ZBTB38: variants seen among roughly 807,000 people sequenced by gnomAD.
ZBTB38 encodes zinc finger and BTB domain containing 38, also known as zinc finger and BTB domain-containing protein 38.
ZBTB38 carries 20 observed loss-of-function variants against 76.8 expected under a neutral mutation model. The ratio of observed to expected loss-of-function variants is 0.26; its 90% confidence interval spans 0.18 to 0.38. The LOEUF (loss-of-function observed/expected upper bound fraction) is 0.38. Among genes scored for constraint, ZBTB38 ranks in the 10% least tolerant of loss-of-function variants. The probability of loss-of-function intolerance (pLI) is 1.00; values close to 1 mark genes in which losing one functional copy is unlikely to be tolerated. For synonymous variants in ZBTB38, 504 were observed against 544.2 expected, an observed-to-expected ratio of 0.93 and a Z score of 1.03; for missense variants, 1,082 against 1,482.3, an observed-to-expected ratio of 0.73 and a Z score of 4.43.
intron 1 of ZBTB38, among the ~76,000 whole-genome samples, chr3:141,345,492 G>A (rs1393536768): frequency 1.3e-5 from 2 of 152,102 alleles, no homozygotes; most frequent in East Asian, 3.9e-4. Context: ...TTCTCTCCTA[G>A]ACTTTTCTTT....
In ZBTB38 at chr3:141,432,123, A is replaced by C. The variant is rs936829073; in HGVS notation, c.1-10266A>C. The C allele has an allele frequency of 5.1e-6, 5 of 985,350 alleles. No individual in the cohort carries two copies. The African/African-American group carries it at 7.0e-5, about 14-fold the overall frequency. The allele number at this position is 985,350 out of a possible 1,614,324, so 61.0% of individuals were successfully genotyped here. A position where few individuals can be genotyped will look rare whatever the true frequency, so the allele number is the denominator to read the frequency against. On this transcript the variant is annotated intron_variant, in intron 5 of 5. Coordinates refer to ENST00000321464, the MANE Select transcript of ZBTB38 (RefSeq NM_001376113.1). ...TGGTACAGCCAGCTCACTGAAGCAA[A>C]ATATCCTTTGTCGGAAAACTTTCCG...
chr3:141,352,163 T>A (rs1364523663), intron 1 of ZBTB38, among the ~76,000 whole-genome samples: 3 of 152,042 alleles, frequency 2.0e-5, no homozygotes, highest in Non-Finnish European at 4.4e-5. Context: ...AATAAATAAT[T>A]TTTTTATATA....
intron 3 of ZBTB38, among the ~76,000 whole-genome samples, chr3:141,384,239 T>G (rs1559929178): frequency 6.6e-6 from 1 of 152,242 alleles, no homozygotes; most frequent in Non-Finnish European, 1.5e-5. Flanking sequence ...TGCCCTGGCA[T>G]CTGGCTTACA....
intron 4 of ZBTB38, chr3:141,387,525 A>G (rs1239939300): frequency 6.6e-6 from 1 of 152,186 alleles, no homozygotes; most frequent in African/African-American, 2.4e-5. Context: ...TGTATTTTCA[A>G]TGCTGGTATC....
intron 5 of ZBTB38, among the ~76,000 whole-genome samples, chr3:141,404,423 G>A (rs772208439): frequency 3.5e-4 from 53 of 152,242 alleles, no homozygotes; most frequent in Middle Eastern, 6.8e-3. Context: ...TTGAATCTTC[G>A]TTGCTCAGTC....
At chr3:141,385,280 T>C (rs1038577717) in intron 3 of ZBTB38, among the ~76,000 whole-genome samples, 1 of 151,128 alleles carries the variant, frequency 6.6e-6, no homozygotes, top group Non-Finnish European at 1.5e-5. Flanking sequence ...AAATATTATA[T>C]ATTCAAAATC....
At chr3:141,430,060 G>A (rs1176399915) in intron 5 of ZBTB38, among the ~76,000 whole-genome samples, 3 of 151,990 alleles carry the variant, frequency 2.0e-5, no homozygotes, top group African/African-American at 7.2e-5. Context: ...TTCGTTTTTT[G>A]TTTTGTTTTG....
rs946913811 is a variant in ZBTB38 at position 141,447,715 on chromosome 3, A to G, written c.*1739A>G. 2.6e-5 allele frequency: 4 copies of G among 152,238 alleles called. No homozygotes were observed. The highest frequency in any genetic ancestry group is 9.6e-5 in the African/African-American group (4 of 41,452). The allele number at this position is 152,238 out of a possible 1,614,324, so 9.4% of individuals were successfully genotyped here. A position where few individuals can be genotyped will look rare whatever the true frequency, so the allele number is the denominator to read the frequency against. On this transcript the variant is annotated 3_prime_UTR_variant, in exon 6 of 6. Transcript: ENST00000321464. ...CAAAGGACTCCGGTTTCTGTCTACA[A>G]GTGTGATGTCTCCATGAAGAAGACT... is the stretch of plus-strand genomic sequence containing the variant.
intron 1 of ZBTB38, among the ~76,000 whole-genome samples, chr3:141,342,784 A>C (rs1246386101): frequency 6.7e-6 from 1 of 149,902 alleles, no homozygotes; most frequent in Non-Finnish European, 1.5e-5. Context: ...GGCAGTGGGA[A>C]GAAGCCACTA....
At chr3:141,338,994 C>A (rs1943096469) in intron 1 of ZBTB38, among the ~76,000 whole-genome samples, 1 of 152,002 alleles carries the variant, frequency 6.6e-6, no homozygotes, top group African/African-American at 2.4e-5. Context: ...AATAAAGGGA[C>A]AATGAGTTGC....
At position 141,413,107 on chromosome 3, in the gene ZBTB38, A is replaced by T. The variant is rs574279374; in HGVS notation, c.-1+9076A>T. ...GAGGAATTGTGGGAAATGGGGAAGAAGAAAATGTTTGTGCAGGGAAAGTGT... is the reference window on the plus strand; with the variant it reads ...GAGGAATTGTGGGAAATGGGGAAGATGAAAATGTTTGTGCAGGGAAAGTGT... On this transcript the variant is annotated intron_variant, in intron 5 of 5. Transcript: ENST00000321464. This position sits in a 1 kb window ranked among gnomAD's most constrained non-coding sequence, Gnocchi z 4.1. Among the ~76,000 whole-genome samples the T allele has an allele frequency of 3.2e-4, 48 of 152,344 alleles. No individual in the cohort carries two copies. Among genetic ancestry groups the T allele is most frequent in the African/African-American group, 1.2e-3 (48 of 41,580 alleles).
intron 5 of ZBTB38, among the ~76,000 whole-genome samples, chr3:141,421,278 C>CTTT (rs77094062): frequency 8.8e-5 from 11 of 125,662 alleles, no homozygotes; most frequent in South Asian, 2.6e-4. Flanking sequence ...AAACTTCTCT[C>CTTT]TTTTTTTTTT....
At chr3:141,410,416 A>G (rs1396617041) in intron 5 of ZBTB38, among the ~76,000 whole-genome samples, 2 of 152,242 alleles carry the variant, frequency 1.3e-5, no homozygotes, top group Non-Finnish European at 2.9e-5. Context: ...AGATAAGAAG[A>G]GTCCAGAGAA....
chr3:141,356,141 A>C (rs1327161810), intron 1 of ZBTB38, among the ~76,000 whole-genome samples: 1 of 152,064 alleles, frequency 6.6e-6, no homozygotes, highest in Non-Finnish European at 1.5e-5. Flanking sequence ...CCCTGATGAA[A>C]TCTCAAAGGG....
chr3:141,350,506 T>C (rs547349312), intron 1 of ZBTB38, among the ~76,000 whole-genome samples: 3 of 152,314 alleles, frequency 2.0e-5, no homozygotes, highest in Admixed American at 2.0e-4. Flanking sequence ...TCCTGAGACC[T>C]CACCTACTTC....
chr3:141,378,936 T>C (rs1945804484), intron 2 of ZBTB38, among the ~76,000 whole-genome samples: 1 of 152,264 alleles, frequency 6.6e-6, no homozygotes, highest in African/African-American at 2.4e-5. Context: ...TTTTCTGGAA[T>C]GGCTCTTTGC....
chr3:141,335,573 G>T (rs1942991681), intron 1 of ZBTB38, among the ~76,000 whole-genome samples: 1 of 152,216 alleles, frequency 6.6e-6, no homozygotes, highest in Admixed American at 6.5e-5. Context: ...GCAGCATGAT[G>T]CCCTGGGCTG....
intron 5 of ZBTB38, among the ~76,000 whole-genome samples, chr3:141,415,364 A>T (rs2073757129): frequency 6.6e-6 from 1 of 152,074 alleles, no homozygotes; most frequent in South Asian, 2.1e-4. Flanking sequence ...CATTCTAGAA[A>T]CTTGTTCCAG....
rs1373187552 is a variant in ZBTB38 at position 141,445,389 on chromosome 3, C to A, written c.3001C>A (p.Pro1001Thr). 6.2e-7 allele frequency: 1 copy of A among 1,613,992 alleles called. No individual in the cohort carries two copies. Among genetic ancestry groups the A allele is most frequent in the Non-Finnish European group, 8.5e-7 (1 of 1,180,020 alleles). ...AGTGGGGGCTGGAAACCAAGGAAGG[C>A]CCCACCGACATCTTACTTCTCGGCC... ...KAVGAGNQGR[P>T]HRHLTSRPYA... Residue 1001 changes from proline (P) to threonine (T), a missense_variant, in exon 6 of 6, where the codon CCC becomes ACC. This residue lies in a region of ZBTB38 where 471 missense variants were observed against 581.0 expected (regional missense o/e 0.81). Coordinates refer to ENST00000321464, the MANE Select transcript of ZBTB38 (RefSeq NM_001376113.1). The surrounding 1 kb of genome is among the most constrained non-coding windows in gnomAD (Gnocchi z 6.5).
Sources: gnomAD v4.1 joint callset for allele counts (sites outside exome capture counted in the v4.1 genomes callset) on GRCh38, gnomAD v4.1.1 for gene constraint, gnomAD v4.1.1 regional missense constraint, Gnocchi (gnomAD v3.1) non-coding constraint, MANE v1.5 for transcripts, NCBI Gene and HGNC (gene_info 2026-07-23, HGNC 2026-07-21) for gene names.